KLC3: variants seen among roughly 807,000 people sequenced by gnomAD.
The protein encoded by KLC3 is kinesin light chain 2.
KLC3 carries 72 observed loss-of-function variants against 62.9 expected under a neutral mutation model. The observed-to-expected ratio is 1.15, with a 90% CI of 0.95 to 1.39. KLC3 has a LOEUF of 1.39. Among genes scored for constraint, KLC3 ranks in the 40% most tolerant of loss-of-function variants. The pLI is 0.00. For synonymous variants in KLC3, 377 were observed against 300.5 expected, an observed-to-expected ratio of 1.25 and a Z score of -2.63; for missense variants, 848 against 691.6, an observed-to-expected ratio of 1.23 and a Z score of -2.54.
Position 45,346,713 on chromosome 19 carries a change from A to G in KLC3, c.428A>G (p.Glu143Gly), listed in dbSNP as rs111563584. 2 of 1,581,686 alleles carry G rather than the reference A, an allele frequency of 1.3e-6. No individual in the cohort carries two copies. Among genetic ancestry groups the G allele is most frequent in the Non-Finnish European group, 1.7e-6 (2 of 1,165,084 alleles). The change falls in exon 3 of 13, where the codon GAG (glutamate) becomes GGG (glycine). Residue 143 changes from glutamate to glycine, a missense_variant. By Grantham distance (98) the Glu-to-Gly change is moderately conservative (BLOSUM62 -2). Transcript: ENST00000391946. ...SEESVAQLEE[E>G]KRHLEFLGQL... Reference sequence around the variant, plus strand: ...GAGTCCGTGGCCCAGCTGGAGGAGGAGAAGCGCCACCTGGAGTTCCTGGGG... The same window carrying G: ...GAGTCCGTGGCCCAGCTGGAGGAGGGGAAGCGCCACCTGGAGTTCCTGGGG...
In KLC3 at chr19:45,342,753, C is replaced by T. The variant is rs148711919; in HGVS notation, c.-9+1907C>T. Among the ~76,000 whole-genome samples, 243 of 151,958 alleles carry T rather than the reference C, an allele frequency of 1.6e-3. 2 individuals are homozygous for T. Among genetic ancestry groups the T allele is most frequent in the Admixed American group, 4.7e-3 (71 of 15,234 alleles). ...TTGCACTCCAGTCTGGGCAACAGAG[C>T]GAGACTCAGTCTCAAAAAAATAAAA... On this transcript the variant is annotated intron_variant, in intron 1 of 12. Coordinates refer to ENST00000391946, the MANE Select transcript of KLC3 (RefSeq NM_177417.3).
rs943153460 is a variant in KLC3 at position 45,347,357 on chromosome 19, C to CAA, written c.490-84_490-83dup. On this transcript the variant is annotated intron_variant, in intron 3 of 12. Transcript: ENST00000391946. The stretch of plus-strand genomic sequence containing the variant: ...CTCCGTCTCAAAAAAAAAAAAAAAA[C>CAA]AAAAAAACAAAAACCTGAGATAGAG... The CAA allele has an allele frequency of 9.5e-6, 7 of 734,474 alleles. No individual in the cohort carries two copies. In the African/African-American group the frequency reaches 1.0e-4, roughly 11 times the overall value. The allele number at this position is 734,474 out of a possible 1,614,324, so 45.5% of individuals were successfully genotyped here.
In KLC3 at chr19:45,346,643, C is replaced by A. The variant is rs764933269; in HGVS notation, c.358C>A (p.Arg120=). The A allele has an allele frequency of 1.3e-6, 2 of 1,554,818 alleles. No homozygotes were observed. The highest frequency in any genetic ancestry group is 1.7e-6 in the Non-Finnish European group (2 of 1,149,860). ...GCTGGCCCAGGAGAACGTGTGGCTGCGGGAGGAACTGGAGGAGACGCAGCG... is the reference window on the plus strand; with the variant it reads ...GCTGGCCCAGGAGAACGTGTGGCTGAGGGAGGAACTGGAGGAGACGCAGCG... ...RRLAQENVWL[R]EELEETQRRL... The change falls in exon 3 of 13, where the codon CGG becomes AGG. Residue 120 remains arginine, a synonymous_variant. Transcript: ENST00000391946.
chr19:45,348,965 G>GA, intron 7 of KLC3, 44 bp downstream of exon 7: 1 of 1,502,554 alleles, frequency 6.7e-7, no homozygotes, highest in Non-Finnish European at 9.1e-7. Context: ...CTTGTCCCAT[G>GA]TAGCCCTCCC....
At chr19:45,349,702 G>T in intron 8 of KLC3, 100 bp downstream of exon 8, 1 of 813,448 alleles carries the variant, frequency 1.2e-6, no homozygotes, top group Non-Finnish European at 1.8e-6. Context: ...AGGGTGGGGG[G>T]GGGCCCCCCA....
chr19:45,346,775 G>C lies in KLC3; in HGVS notation c.489+1G>C, dbSNP rs1485954627. On this transcript the variant is annotated splice_donor_variant, in intron 3 of 12. Transcript: ENST00000391946. LOFTEE classifies it high-confidence loss of function. Reference sequence around the variant, plus strand: ...GTACGACCCACCGGCGGAGAGCCAGGTGCCACGGGCAGGGCGAGGCGGGGG... The same window carrying C: ...GTACGACCCACCGGCGGAGAGCCAGCTGCCACGGGCAGGGCGAGGCGGGGG... The C allele has an allele frequency of 6.4e-7, 1 of 1,571,696 alleles. No individual in the cohort carries two copies. The highest frequency in any genetic ancestry group is 8.6e-7 in the Non-Finnish European group (1 of 1,159,522).
In KLC3 at chr19:45,348,151, T is replaced by C. The variant is rs370748370; in HGVS notation, c.770T>C (p.Leu257Pro). Reference sequence around the variant, plus strand: ...GCCACCATGCTCAACATCCTGGCGCTGGTGTACCGGTGAGCACTGCGGCCA... The same window carrying C: ...GCCACCATGCTCAACATCCTGGCGCCGGTGTACCGGTGAGCACTGCGGCCA... The part of the protein sequence containing the change: ...DVATMLNILA[L>P]VYRDQNKYKE... Residue 257 changes from leucine (L) to proline (P), a missense_variant, in exon 5 of 13, where the codon CTG (leucine) becomes CCG (proline). Transcript: ENST00000391946. 6.9e-6 allele frequency: 11 copies of C among 1,590,066 alleles called. No homozygotes were observed. The highest frequency in any genetic ancestry group is 2.0e-4 in the Middle Eastern group (1 of 4,954).
intron 3 of KLC3, 171 bp downstream of exon 3, chr19:45,346,945 C>A: frequency 4.4e-6 from 2 of 454,920 alleles, no homozygotes; most frequent in Non-Finnish European, 7.4e-6. Context: ...GCCCCCAGAC[C>A]CACCAGAACT....
At chr19:45,343,635 T>A (rs994429473) in intron 1 of KLC3, among the ~76,000 whole-genome samples, 3 of 152,074 alleles carry the variant, frequency 2.0e-5, no homozygotes, top group Non-Finnish European at 4.4e-5. Flanking sequence ...GCGCCCAGGC[T>A]TGGTTTTTAT....
At chr19:45,349,352 G>A (rs1971598297) in intron 7 of KLC3, 77 bp from the exon 8 acceptor site, 1 of 1,440,346 alleles carries the variant, frequency 6.9e-7, no homozygotes, top group Admixed American at 2.1e-5. Context: ...CCCAACTCAT[G>A]ACCACCATAC....
At chr19:45,349,037 G>A (rs917388678) in intron 7 of KLC3, 116 bp downstream of exon 7, 2 of 891,222 alleles carry the variant, frequency 2.2e-6, no homozygotes, top group Non-Finnish European at 3.4e-6. Flanking sequence ...TTGGTATTGG[G>A]AGACCCCAGT....
intron 3 of KLC3, 64 bp downstream of exon 3, chr19:45,346,838 C>CCCTCCTTAGAATCCTACAGTCCCCAAGAT: frequency 8.8e-7 from 1 of 1,133,510 alleles, no homozygotes; most frequent in Middle Eastern, 2.0e-4. Context: ...GTCCCCCAGA[C>CCCTCCTTAGAATCCTACAGTCCCCAAGAT]CCTCCTTAGA....
chr19:45,349,692 A>AGGGTGG (rs1971618581), intron 8 of KLC3, 90 bp downstream of exon 8: 1 of 673,394 alleles, frequency 1.5e-6, no homozygotes, highest in East Asian at 3.2e-5. Flanking sequence ...GAGCAACGTG[A>AGGGTGG]GGGTGGGGGG....
In KLC3 at chr19:45,348,913, CGA is replaced by C; in HGVS notation, c.966_967del (p.Lys323GlyfsTer5). ...CCTGTGCCAGCGCGCTTTGGAGATC[CGA>C]GAGAAGGTCCCATCCCCCTCACCCC... Reference protein sequence around the residue: ...EPLCQRALEIREKVLGADHPD... With the variant: ...EPLCQRALEIXEKVLGADHPD... On this transcript the variant is annotated frameshift_variant, in exon 7 of 13. Coordinates refer to ENST00000391946, the MANE Select transcript of KLC3 (RefSeq NM_177417.3). LOFTEE classifies it high-confidence loss of function. 2 of 1,578,634 alleles carry C rather than the reference CGA, an allele frequency of 1.3e-6. No homozygotes were observed. Among genetic ancestry groups the C allele is most frequent in the East Asian group, 2.3e-5 (1 of 43,488 alleles).
At chr19:45,346,877 A>C in intron 3 of KLC3, 103 bp downstream of exon 3, 1 of 1,116,014 alleles carries the variant, frequency 9.0e-7, no homozygotes, top group Admixed American at 2.2e-5. Context: ...TCCTCCTTAG[A>C]ATCCCACAGT....
At chr19:45,348,209 A>G (rs771158916) in intron 5 of KLC3, 49 bp downstream of exon 5, 21 of 1,492,854 alleles carry the variant, frequency 1.4e-5, no homozygotes, top group Admixed American at 2.0e-5. Context: ...GCAGGGACCC[A>G]TTGGGTGCAA....
chr19:45,346,554 CCCTGTCGGCACATGTGGGTG>C lies in KLC3; in HGVS notation c.271_290del (p.Leu91ThrfsTer69). The C allele has an allele frequency of 6.5e-7, 1 of 1,535,018 alleles. No individual in the cohort carries two copies. Among genetic ancestry groups the C allele is most frequent in the Non-Finnish European group, 8.8e-7 (1 of 1,137,478 alleles). On this transcript the variant is annotated frameshift_variant, in exon 3 of 13. Coordinates refer to ENST00000391946, the MANE Select transcript of KLC3 (RefSeq NM_177417.3). LOFTEE classifies it high-confidence loss of function. ...CCCCACCCCGGGCAGGTGCTGCTGG[CCCTGTCGGCACATGTGGGTG>C]CACTGGAGGCAGAGAAGCAGCGGCT...
intron 1 of KLC3, chr19:45,345,214 T>G: frequency 8.0e-6 from 4 of 500,182 alleles, no homozygotes; most frequent in Admixed American, 3.8e-5. Flanking sequence ...TGAGGGCAGA[T>G]GGGGGACCCC....
chr19:45,351,170 TGGGGTAGAGGCGA>T, intron 12 of KLC3, 103 bp from the exon 13 acceptor site: 1 of 1,587,314 alleles, frequency 6.3e-7, no homozygotes, highest in Non-Finnish European at 8.6e-7. Flanking sequence ...GGGTTTTACT[TGGGGTAGAGGCGA>T]GGGGGTTGGA....
Sources: gnomAD v4.1 joint callset for allele counts (sites outside exome capture counted in the v4.1 genomes callset) on GRCh38, gnomAD v4.1.1 for gene constraint, MANE v1.5 for transcripts, NCBI Gene and HGNC (gene_info 2026-07-23, HGNC 2026-07-21) for gene names.